RXFP2: variants seen among roughly 807,000 people sequenced by gnomAD.
The protein encoded by RXFP2 is relaxin receptor 2.
A neutral mutation model predicts 88.6 loss-of-function variants in RXFP2; 68 were observed. That is an observed-to-expected ratio of 0.77 (90% CI 0.63 to 0.94). RXFP2 has a LOEUF of 0.94. RXFP2 is among the 40% of genes least tolerant of loss of function. RXFP2 has a pLI of 0.00. For synonymous variants in RXFP2, 329 were observed against 306.8 expected (o/e 1.07, Z -0.76); for missense variants, 791 against 893.9 (o/e 0.88, Z 1.47).
intron 2 of RXFP2, 35 bp downstream of exon 2, chr13:31,758,439 A>C (rs775910975): frequency 6.2e-7 from 1 of 1,611,836 alleles, no homozygotes; most frequent in Non-Finnish European, 8.5e-7. Context: ...TGTGTGCCTC[A>C]CTTTATGAAC....
intron 15 of RXFP2, 22 bp from the exon 16 acceptor site, chr13:31,792,656 C>A: frequency 6.2e-7 from 1 of 1,610,636 alleles, no homozygotes; most frequent in Non-Finnish European, 8.5e-7. Flanking sequence ...TGATGACATA[C>A]ACTGTTTCAA....
intron 7 of RXFP2, among the ~76,000 whole-genome samples, chr13:31,776,933 A>G (rs959150560): frequency 4.6e-5 from 7 of 152,180 alleles, no homozygotes; most frequent in African/African-American, 1.7e-4. Context: ...AACACACCTT[A>G]TTTAATACAT....
intron 11 of RXFP2, among the ~76,000 whole-genome samples, chr13:31,783,470 C>A (rs1304503444): frequency 6.6e-6 from 1 of 152,034 alleles, no homozygotes; most frequent in East Asian, 1.9e-4. Flanking sequence ...TAATCTCTCC[C>A]CATTCTTTAC....
At chr13:31,779,692 A>G (rs1873176826) in intron 9 of RXFP2, among the ~76,000 whole-genome samples, 2 of 152,188 alleles carry the variant, frequency 1.3e-5, no homozygotes, top group Non-Finnish European at 2.9e-5. Context: ...TGCTGATGGT[A>G]GCGCTGCTGG....
At chr13:31,778,814 C>T (rs1156598528) in intron 9 of RXFP2, among the ~76,000 whole-genome samples, 1 of 152,174 alleles carries the variant, frequency 6.6e-6, no homozygotes, top group Non-Finnish European at 1.5e-5. Context: ...CTTACCCCAT[C>T]TAGATGCTAT....
rs891445717 is a variant in RXFP2 at position 31,791,750 on chromosome 13, A to T, written c.1146-56A>T. On this transcript the variant is annotated intron_variant, in intron 14 of 17. Coordinates refer to ENST00000298386, the MANE Select transcript of RXFP2 (RefSeq NM_130806.5). ...GAGTTGCAGCCCCGATAGGACTGCA[A>T]CTGTAGGTTCTGTATCATTGCTGCA... The T allele has an allele frequency of 4.9e-6, 6 of 1,217,686 alleles. No individual in the cohort carries two copies. In the African/African-American group the frequency reaches 8.9e-5, roughly 18 times the overall value. The allele number at this position is 1,217,686 out of a possible 1,614,324, so 75.4% of individuals were successfully genotyped here. A position where few individuals can be genotyped will look rare whatever the true frequency, so the allele number is the denominator to read the frequency against.
At chr13:31,743,465 C>G (rs1328150176) in intron 1 of RXFP2, among the ~76,000 whole-genome samples, 1 of 115,112 alleles carries the variant, frequency 8.7e-6, no homozygotes, top group Non-Finnish European at 2.0e-5. Context: ...GAGACTCTGT[C>G]TCAAAATTAA....
At chr13:31,791,613 G>A (rs113064926) in intron 14 of RXFP2, among the ~76,000 whole-genome samples, 193 bp from the exon 15 acceptor site, 1 of 152,176 alleles carries the variant, frequency 6.6e-6, no homozygotes, top group African/African-American at 2.4e-5. Context: ...ATGTTCTTTA[G>A]GTTCCTCATC....
intron 16 of RXFP2, 89 bp downstream of exon 16, chr13:31,793,177 A>C (rs1873877794): frequency 1.7e-6 from 2 of 1,203,128 alleles, no homozygotes; most frequent in Non-Finnish European, 2.4e-6. Context: ...TTGTTTCAGA[A>C]AGTGAGATAA....
intron 14 of RXFP2, 109 bp from the exon 15 acceptor site, chr13:31,791,697 A>G (rs1418226953): frequency 1.3e-6 from 1 of 774,230 alleles, no homozygotes; most frequent in Non-Finnish European, 2.3e-6. Flanking sequence ...AAAATAAACA[A>G]ACCTAGTGAA....
chr13:31,792,558 T>C (rs1294656749), intron 15 of RXFP2, 120 bp from the exon 16 acceptor site: 4 of 947,950 alleles, frequency 4.2e-6, no homozygotes, highest in Non-Finnish European at 6.7e-6. Context: ...GTTCATTTGA[T>C]ATAAGATGAA....
intron 16 of RXFP2, among the ~76,000 whole-genome samples, chr13:31,796,039 T>TC (rs1874023001): frequency 5.9e-5 from 2 of 33,832 alleles, no homozygotes; most frequent in East Asian, 2.9e-3. Context: ...TGTGTTATTC[T>TC]TTTTTTTTTT....
intron 8 of RXFP2, 79 bp downstream of exon 8, chr13:31,777,526 TA>T (rs890096830): frequency 1.8e-6 from 2 of 1,127,400 alleles, no homozygotes; most frequent in Non-Finnish European, 2.6e-6. Flanking sequence ...AAAGAACTTT[TA>T]AAAAAATCAA....
At chr13:31,793,870 C>T (rs556046510) in intron 16 of RXFP2, among the ~76,000 whole-genome samples, 6 of 152,144 alleles carry the variant, frequency 3.9e-5, no homozygotes, top group African/African-American at 1.4e-4. Flanking sequence ...TCTGCTCCTT[C>T]CAGTCTCTAC....
rs771729116 is a variant in RXFP2 at position 31,792,960 on chromosome 13, C to G, written c.1658C>G (p.Ala553Gly). 1 of 1,614,054 alleles carries G rather than the reference C, an allele frequency of 6.2e-7. No individual in the cohort carries two copies. The highest frequency in any genetic ancestry group is 1.1e-5 in the South Asian group (1 of 91,068). ...ATCTGGATGGCGGGATTTTTAATAG[C>G]TGTAATTCCATTTTGGAATAAGGAT... Reference protein sequence around the residue: ...ICIWMAGFLIAVIPFWNKDYF... With the variant: ...ICIWMAGFLIGVIPFWNKDYF... Residue 553 changes from alanine to glycine, a missense_variant, in exon 16 of 18, where the codon GCT becomes GGT. Coordinates refer to ENST00000298386, the MANE Select transcript of RXFP2 (RefSeq NM_130806.5).
intron 1 of RXFP2, among the ~76,000 whole-genome samples, chr13:31,743,454 C>A (rs1025792513): frequency 2.7e-5 from 4 of 148,562 alleles, no homozygotes; most frequent in African/African-American, 9.9e-5. Context: ...GGCGACAGAG[C>A]GAGACTCTGT....
intron 1 of RXFP2, among the ~76,000 whole-genome samples, chr13:31,743,818 T>C (rs1009152468): frequency 2.6e-5 from 4 of 152,060 alleles, no homozygotes; most frequent in African/African-American, 9.7e-5. Flanking sequence ...GGGCCTGCTC[T>C]TCAGCTCTCT....
At chr13:31,793,610 C>G (rs1006813501) in intron 16 of RXFP2, among the ~76,000 whole-genome samples, 2 of 152,092 alleles carry the variant, frequency 1.3e-5, no homozygotes, top group Admixed American at 6.5e-5. Context: ...CCAGTTTTCT[C>G]AATTCCTTCT....
intron 10 of RXFP2, 72 bp downstream of exon 10, chr13:31,781,814 C>CA (rs953527768): frequency 2.4e-6 from 3 of 1,267,986 alleles, no homozygotes; most frequent in African/African-American, 1.5e-5. Context: ...AAAACATTGA[C>CA]AAAAAATTTT....
Sources: allele counts gnomAD v4.1 joint callset (sites outside exome capture counted in the v4.1 genomes callset), GRCh38; gene constraint gnomAD v4.1.1; transcripts MANE v1.5; gene names NCBI Gene and HGNC (gene_info 2026-07-23, HGNC 2026-07-21).